Variants in COL25A1 observed in about 807,000 individuals in gnomAD.
COL25A1 encodes collagen alpha-1(XXV) chain.
Under a neutral mutation model 128.4 loss-of-function variants are expected in COL25A1, and 103 were observed. The ratio of observed to expected loss-of-function variants is 0.80; its 90% CI spans 0.68 to 0.94. The LOEUF is 0.94. Ranked by LOEUF, COL25A1 falls within the 40% of genes least tolerant of loss-of-function variation. The pLI, the probability that COL25A1 is intolerant of heterozygous loss-of-function variation, is 0.00. For missense variants in COL25A1, 745 were observed against 840.0 expected (o/e 0.89, Z 1.40); for synonymous variants, 279 against 277.2 (o/e 1.01, Z -0.06).
At chr4:109,047,594 AC>A (rs1760555129) in intron 5 of COL25A1, among the ~76,000 whole-genome samples, 1 of 152,186 alleles carries the variant, frequency 6.6e-6, no homozygotes, top group Admixed American at 6.5e-5. Flanking sequence ...GTAACCAAAT[AC>A]CACCTGTTCC....
At chr4:109,008,904 T>C (rs1020113868) in intron 6 of COL25A1, among the ~76,000 whole-genome samples, 1 of 152,026 alleles carries the variant, frequency 6.6e-6, no homozygotes, top group Admixed American at 6.6e-5. Flanking sequence ...TCACCTGAGG[T>C]CAGGAGTGGA....
chr4:109,034,576 G>A (rs1053864824), intron 5 of COL25A1, among the ~76,000 whole-genome samples: 3 of 152,116 alleles, frequency 2.0e-5, no homozygotes, highest in African/African-American at 7.2e-5. Context: ...AAAAAATGAT[G>A]ACCTAGCTTG....
At chr4:109,163,311 T>C (rs1199116302) in intron 3 of COL25A1, among the ~76,000 whole-genome samples, 1 of 152,224 alleles carries the variant, frequency 6.6e-6, no homozygotes, top group African/African-American at 2.4e-5. Flanking sequence ...ACAGTGTTAC[T>C]AAGTGGGTGG....
chr4:109,199,562 A>G (rs1339331987), intron 3 of COL25A1, among the ~76,000 whole-genome samples: 1 of 152,150 alleles, frequency 6.6e-6, no homozygotes, highest in African/African-American at 2.4e-5. Context: ...GAAAAAAAAA[A>G]CTAATGCCTT....
chr4:108,940,688 A>G, intron 9 of COL25A1, 42 bp from the exon 10 acceptor site: 1 of 1,320,332 alleles, frequency 7.6e-7, no homozygotes. Flanking sequence ...ACCATGAAAG[A>G]TAAAGACCCA....
chr4:109,069,272 C>A (rs1245240880), intron 3 of COL25A1, among the ~76,000 whole-genome samples: 1 of 151,284 alleles, frequency 6.6e-6, no homozygotes, highest in Non-Finnish European at 1.5e-5. Flanking sequence ...AGTACAGTGG[C>A]ATGATCATGG....
intron 3 of COL25A1, among the ~76,000 whole-genome samples, chr4:109,135,075 A>C (rs1769593321): frequency 6.6e-6 from 1 of 151,506 alleles, no homozygotes; most frequent in Non-Finnish European, 1.5e-5. Flanking sequence ...GAAACACCCA[A>C]GTAGAGAGAG....
At chr4:108,850,782 A>T (rs185650973) in intron 26 of COL25A1, among the ~76,000 whole-genome samples, 1 of 152,272 alleles carries the variant, frequency 6.6e-6, no homozygotes, top group Non-Finnish European at 1.5e-5. Flanking sequence ...AAAATTACTT[A>T]CTGAATAACT....
At chr4:109,156,457 T>C (rs143932666) in intron 3 of COL25A1, among the ~76,000 whole-genome samples, 1 of 152,324 alleles carries the variant, frequency 6.6e-6, no homozygotes, top group East Asian at 1.9e-4. Context: ...TAATTCTTAG[T>C]GGTCAAACAG....
intron 3 of COL25A1, among the ~76,000 whole-genome samples, chr4:109,111,105 C>G (rs1766961887): frequency 6.6e-6 from 1 of 152,216 alleles, no homozygotes; most frequent in South Asian, 2.1e-4. Context: ...TCTCTACCTC[C>G]TCCCTGCACA....
chr4:109,129,604 A>G (rs1579457936), intron 3 of COL25A1, among the ~76,000 whole-genome samples: 1 of 152,202 alleles, frequency 6.6e-6, no homozygotes, highest in African/African-American at 2.4e-5. Context: ...CATAGGCAAA[A>G]TATGAATTAA....
intron 3 of COL25A1, among the ~76,000 whole-genome samples, chr4:109,143,226 A>G (rs1770597422): frequency 6.6e-6 from 1 of 152,302 alleles, no homozygotes; most frequent in Non-Finnish European, 1.5e-5. Flanking sequence ...AATGTTGAAT[A>G]TTGGCCTCCA....
At chr4:109,124,043 AT>A (rs1290647412) in intron 3 of COL25A1, among the ~76,000 whole-genome samples, 1 of 152,160 alleles carries the variant, frequency 6.6e-6, no homozygotes, top group Non-Finnish European at 1.5e-5. Flanking sequence ...TCACAAAAAA[AT>A]ATTTCACAAA....
rs753994624 is a variant in COL25A1, at chr4:109,211,290, CTATATATATA to C, written c.367+89283_367+89292del. Among the ~76,000 whole-genome samples the C allele has an allele frequency of 9.7e-3, 995 of 102,496 alleles. 17 individuals are homozygous for C. Among genetic ancestry groups the C allele is most frequent in the African/African-American group, 0.025 (891 of 35,446 alleles). 67.2% of individuals were successfully genotyped at this position (102,496 alleles called of 152,430 possible). On this transcript the variant is annotated intron_variant, in intron 3 of 37. Coordinates refer to ENST00000399132, the MANE Select transcript of COL25A1 (RefSeq NM_198721.4). ...TATATGAAACTATATATATATGAAA[CTATATATATA>C]TATATATATATATATATATATATAT...
chr4:109,281,003 T>C (rs189699525), intron 3 of COL25A1, among the ~76,000 whole-genome samples: 1 of 152,266 alleles, frequency 6.6e-6, no homozygotes, highest in African/African-American at 2.4e-5. Context: ...CATGTAGCTA[T>C]AGATATAACA....
chr4:109,056,672 C>T (rs1370700806), intron 3 of COL25A1, among the ~76,000 whole-genome samples: 2 of 149,928 alleles, frequency 1.3e-5, no homozygotes, highest in African/African-American at 2.5e-5. Flanking sequence ...GGCTAATAAA[C>T]GTGGGTGCAT....
chr4:108,863,294 A>AC, intron 21 of COL25A1, 25 bp downstream of exon 21: 1 of 1,608,336 alleles, frequency 6.2e-7, no homozygotes, highest in Non-Finnish European at 8.5e-7. Context: ...GAGAATGGTT[A>AC]TTTTCCAGTT....
At chr4:108,921,665 T>C (rs1187250689) in intron 11 of COL25A1, among the ~76,000 whole-genome samples, 1 of 152,184 alleles carries the variant, frequency 6.6e-6, no homozygotes, top group African/African-American at 2.4e-5. Context: ...TAAAAATATA[T>C]AATGTTTAGG....
At chr4:109,215,793 T>C (rs1462218139) in intron 3 of COL25A1, among the ~76,000 whole-genome samples, 1 of 152,106 alleles carries the variant, frequency 6.6e-6, no homozygotes. Flanking sequence ...CAGTAAGCAC[T>C]TAGCACATAT....
Sources: gnomAD v4.1 joint callset for allele counts (sites outside exome capture counted in the v4.1 genomes callset) on GRCh38, gnomAD v4.1.1 for gene constraint, MANE v1.5 for transcripts, NCBI Gene and HGNC (gene_info 2026-07-23, HGNC 2026-07-21) for gene names.